ZNF148: variants seen among roughly 807,000 people sequenced by gnomAD.
ZNF148 encodes the protein zinc finger protein 148, also known as Beta-Enolase Repressor Factor-1.
A neutral mutation model predicts 67.7 loss-of-function variants in ZNF148; 7 were observed. The ratio of observed to expected loss-of-function variants is 0.10; its 90% CI spans 0.06 to 0.19. The LOEUF is 0.19. Ranked by LOEUF, ZNF148 falls within the 10% of genes least tolerant of loss-of-function variation. ZNF148 has a pLI of 1.00. For synonymous variants in ZNF148, 333 were observed against 330.7 expected (o/e 1.01, Z -0.08); for missense variants, 583 against 947.1 (o/e 0.62, Z 5.05).
chr3:125,265,388 C>A (rs1937512565), intron 7 of ZNF148, among the ~76,000 whole-genome samples: 1 of 152,224 alleles, frequency 6.6e-6, no homozygotes, highest in South Asian at 2.1e-4. Flanking sequence ...CAGTCTCTAG[C>A]ATTTTTGTCA....
chr3:125,364,207 T>G (rs926942974), intron 1 of ZNF148, among the ~76,000 whole-genome samples: 6 of 152,176 alleles, frequency 3.9e-5, no homozygotes, highest in Non-Finnish European at 8.8e-5. Flanking sequence ...GAGAAAAGCC[T>G]GGCCAATATG....
rs1935768143 is a variant in ZNF148 at position 125,229,549 on chromosome 3, A to T, written c.*2792T>A. ...AAACCCTTTAGAAGATGTTCAAGAG[A>T]TACTGCCTCGCCTAACGTGATGTTT... is the stretch of plus-strand genomic sequence containing the variant. On this transcript the variant is annotated 3_prime_UTR_variant, in exon 9 of 9. Coordinates refer to ENST00000360647, the MANE Select transcript of ZNF148 (RefSeq NM_021964.3). 1 of 152,166 alleles carries T rather than the reference A, an allele frequency of 6.6e-6. No individual in the cohort carries two copies. 9.4% of individuals were successfully genotyped at this position (152,166 alleles called of 1,614,324 possible).
At chr3:125,237,812 G>A (rs1055852729) in intron 7 of ZNF148, among the ~76,000 whole-genome samples, 2 of 152,066 alleles carry the variant, frequency 1.3e-5, no homozygotes, top group African/African-American at 4.8e-5. Context: ...CTTAAAATTC[G>A]CATCTAAAAG....
At chr3:125,246,338 A>C (rs1189710505) in intron 7 of ZNF148, among the ~76,000 whole-genome samples, 1 of 152,186 alleles carries the variant, frequency 6.6e-6, no homozygotes, top group Non-Finnish European at 1.5e-5. Flanking sequence ...CATCATAACT[A>C]TTACACTAAC....
At chr3:125,329,973 T>C (rs1306770063) in intron 2 of ZNF148, among the ~76,000 whole-genome samples, 1 of 152,180 alleles carries the variant, frequency 6.6e-6, no homozygotes, top group Admixed American at 6.5e-5. Context: ...ATGATTATAC[T>C]GAATGGGGAA....
chr3:125,318,102 C>T (rs866633464), intron 3 of ZNF148, among the ~76,000 whole-genome samples: 6 of 152,192 alleles, frequency 3.9e-5, no homozygotes, highest in South Asian at 2.1e-4. Flanking sequence ...TGTCCTTGCA[C>T]CTCCCTTCTA....
At chr3:125,368,903 C>T (rs182057860) in intron 1 of ZNF148, among the ~76,000 whole-genome samples, 2 of 151,510 alleles carry the variant, frequency 1.3e-5, no homozygotes, top group East Asian at 3.9e-4. Context: ...CAAGATGGCG[C>T]CACTGCACTC....
intron 1 of ZNF148, among the ~76,000 whole-genome samples, chr3:125,362,224 C>T (rs1414653913): frequency 6.6e-6 from 1 of 152,152 alleles, no homozygotes; most frequent in Non-Finnish European, 1.5e-5. Flanking sequence ...AACAAATACT[C>T]GAACCCTTCT....
At chr3:125,287,957 C>G (rs553026677) in intron 5 of ZNF148, 146 bp downstream of exon 5, 4 of 1,076,784 alleles carry the variant, frequency 3.7e-6, no homozygotes, top group East Asian at 4.9e-5. Flanking sequence ...CAAGGCCCAC[C>G]ACCTCCATGC....
intron 4 of ZNF148, among the ~76,000 whole-genome samples, chr3:125,307,307 GT>G (rs57145131): frequency 0.69 from 99,118 of 144,286 alleles, 34,579 homozygotes; most frequent in Middle Eastern, 0.79. Flanking sequence ...ATCCATTCAT[GT>G]TTTTTTTTTT....
intron 1 of ZNF148, among the ~76,000 whole-genome samples, chr3:125,343,692 G>C (rs1277013951): frequency 6.6e-6 from 1 of 152,126 alleles, no homozygotes; most frequent in Admixed American, 6.5e-5. Flanking sequence ...AGCCACGCCA[G>C]CCAGCAGCAG....
At chr3:125,303,142 C>A (rs1171802542) in intron 4 of ZNF148, among the ~76,000 whole-genome samples, 3 of 152,128 alleles carry the variant, frequency 2.0e-5, no homozygotes, top group South Asian at 2.1e-4. Context: ...TCCATTGATA[C>A]AACATTCTCA....
chr3:125,349,557 A>G (rs1226993076), intron 1 of ZNF148, among the ~76,000 whole-genome samples: 1 of 152,248 alleles, frequency 6.6e-6, no homozygotes, highest in Non-Finnish European at 1.5e-5. Flanking sequence ...AAGAATGGCT[A>G]TTATTAAAAA....
chr3:125,339,848 C>A (rs901365964), intron 1 of ZNF148, among the ~76,000 whole-genome samples: 3 of 152,038 alleles, frequency 2.0e-5, no homozygotes, highest in Admixed American at 6.6e-5. Flanking sequence ...TAATTATATA[C>A]CATTATTTTC....
chr3:125,374,131 C>T (rs1380029786), intron 1 of ZNF148, among the ~76,000 whole-genome samples: 1 of 152,102 alleles, frequency 6.6e-6, no homozygotes, highest in African/African-American at 2.4e-5. Flanking sequence ...CAGAGGTTCT[C>T]ATACTCATTG....
intron 4 of ZNF148, among the ~76,000 whole-genome samples, chr3:125,291,932 T>C (rs1939037528): frequency 6.6e-6 from 1 of 152,182 alleles, no homozygotes; most frequent in Admixed American, 6.5e-5. Flanking sequence ...AAAGTATAAC[T>C]AGTTTAAATG....
At chr3:125,259,945 T>TA (rs1470290247) in intron 7 of ZNF148, among the ~76,000 whole-genome samples, 12 of 152,278 alleles carry the variant, frequency 7.9e-5, no homozygotes, top group Admixed American at 7.2e-4. Context: ...CTTGCACACT[T>TA]AGAGGCCACT....
chr3:125,348,681 C>T (rs549594399), intron 1 of ZNF148, among the ~76,000 whole-genome samples: 15 of 152,170 alleles, frequency 9.9e-5, no homozygotes, highest in Middle Eastern at 3.4e-3. Flanking sequence ...CTACTCACAG[C>T]GATGTACAGA....
intron 4 of ZNF148, among the ~76,000 whole-genome samples, chr3:125,288,581 G>T (rs956590737): frequency 2.6e-5 from 4 of 151,652 alleles, no homozygotes; most frequent in African/African-American, 7.3e-5. Flanking sequence ...AGTTAAAAGC[G>T]CACAAAAAAG....
Sources: allele counts gnomAD v4.1 joint callset (sites outside exome capture counted in the v4.1 genomes callset), GRCh38; gene constraint gnomAD v4.1.1; transcripts MANE v1.5; gene names NCBI Gene and HGNC (gene_info 2026-07-23, HGNC 2026-07-21).